The following SLC8A1 variants were observed in gnomAD, a reference collection of about 807,000 sequenced individuals.
SLC8A1 encodes the protein solute carrier family 8 member A1.
A neutral mutation model predicts 68.3 loss-of-function variants in SLC8A1; 18 were observed. That is an observed-to-expected ratio of 0.26 (90% confidence interval 0.18 to 0.39). The LOEUF is 0.39. SLC8A1 is among the 10% of genes least tolerant of loss of function. The pLI, the probability that SLC8A1 is intolerant of heterozygous loss-of-function variation, is 1.00. For missense variants in SLC8A1, 985 were observed against 1,156.7 expected, an observed-to-expected ratio of 0.85 and a Z score of 2.15; for synonymous variants, 475 against 415.5, an observed-to-expected ratio of 1.14 and a Z score of -1.74.
intron 2 of SLC8A1, among the ~76,000 whole-genome samples, chr2:40,327,510 C>G (rs763301256): frequency 2.6e-5 from 4 of 152,130 alleles, no homozygotes; most frequent in Non-Finnish European, 4.4e-5. Context: ...CTGCAAATCA[C>G]TTTGCTAGAC....
chr2:40,169,522 A>G (rs754044283), intron 4 of SLC8A1, among the ~76,000 whole-genome samples: 22 of 152,116 alleles, frequency 1.4e-4, no homozygotes, highest in Non-Finnish European at 2.5e-4. Flanking sequence ...CACCCTGTCA[A>G]TGTCATTTAT....
chr2:40,122,114 A>C (rs544928710), intron 7 of SLC8A1, among the ~76,000 whole-genome samples: 1 of 152,010 alleles, frequency 6.6e-6, no homozygotes, highest in Non-Finnish European at 1.5e-5. Flanking sequence ...GTCACTGAAG[A>C]CCTTAAACAA....
upstream of SLC8A1, among the ~76,000 whole-genome samples, chr2:40,455,162 T>C (rs1014736590): frequency 2.0e-5 from 3 of 152,208 alleles, no homozygotes; most frequent in African/African-American, 4.8e-5. Context: ...CTAGGAAACC[T>C]TCAGGGGATC....
chr2:40,455,616 A>G (rs1457384214), upstream of SLC8A1, among the ~76,000 whole-genome samples: 1 of 152,142 alleles, frequency 6.6e-6, no homozygotes, highest in Non-Finnish European at 1.5e-5. Context: ...TTCCATACCT[A>G]AGAATCTCAG....
At chr2:40,223,925 C>A (rs1292735937) in intron 2 of SLC8A1, among the ~76,000 whole-genome samples, 1 of 151,994 alleles carries the variant, frequency 6.6e-6, no homozygotes, top group African/African-American at 2.4e-5. Context: ...AGGTTTGCCC[C>A]ATTTCTGTAA....
At chr2:40,506,104 CTT>C (rs34231209) in intron 1 of SLC8A1, among the ~76,000 whole-genome samples, 4,416 of 132,128 alleles carry the variant, frequency 0.033, 161 homozygotes, top group African/African-American at 0.095. Context: ...TTCATAGATC[CTT>C]TTTTTTTTTT....
At chr2:40,251,858 T>C (rs553599113) in intron 2 of SLC8A1, 1 of 152,324 alleles carries the variant, frequency 6.6e-6, no homozygotes, top group African/African-American at 2.4e-5. Context: ...TTATTTCTCC[T>C]TCAATATTTT....
intron 2 of SLC8A1, among the ~76,000 whole-genome samples, chr2:40,183,624 A>G (rs1385990418): frequency 2.6e-5 from 4 of 152,204 alleles, no homozygotes; most frequent in African/African-American, 9.6e-5. Flanking sequence ...CATTTTAACA[A>G]GATCCCCAGA....
At chr2:40,421,250 C>T (rs889149883) in intron 2 of SLC8A1, among the ~76,000 whole-genome samples, 6 of 152,156 alleles carry the variant, frequency 3.9e-5, no homozygotes, top group African/African-American at 1.4e-4. Context: ...CCATCACCAA[C>T]AGCACCATGA....
chr2:40,511,142 A>T (rs1706699299), intron 1 of SLC8A1, among the ~76,000 whole-genome samples: 1 of 152,068 alleles, frequency 6.6e-6, no homozygotes, highest in African/African-American at 2.4e-5. Context: ...ATATTTCTCC[A>T]TTTCTCTTTT....
At chr2:40,194,612 G>A (rs2052598214) in intron 2 of SLC8A1, among the ~76,000 whole-genome samples, 1 of 151,942 alleles carries the variant, frequency 6.6e-6, no homozygotes, top group Non-Finnish European at 1.5e-5. Flanking sequence ...TAATATTGGA[G>A]GCAAATGAGG....
chr2:40,361,887 C>CT (rs1172909749), intron 2 of SLC8A1, among the ~76,000 whole-genome samples: 6,218 of 53,170 alleles, frequency 0.12, 2,007 homozygotes, highest in Non-Finnish European at 0.15. Flanking sequence ...CTTTTCTTTC[C>CT]TTTTTTTTTT....
chr2:40,325,492 A>C (rs1236440241), intron 2 of SLC8A1, among the ~76,000 whole-genome samples: 1 of 152,162 alleles, frequency 6.6e-6, no homozygotes, highest in Non-Finnish European at 1.5e-5. Flanking sequence ...GAGCAACCTA[A>C]GCATATAAGA....
intron 2 of SLC8A1, among the ~76,000 whole-genome samples, chr2:40,330,917 A>T (rs1027471354): frequency 2.0e-5 from 3 of 152,222 alleles, no homozygotes; most frequent in African/African-American, 7.2e-5. Context: ...AATACAATCG[A>T]GTTACCTGCA....
intron 2 of SLC8A1, among the ~76,000 whole-genome samples, chr2:40,378,978 G>T (rs965178089): frequency 6.6e-6 from 1 of 152,034 alleles, no homozygotes; most frequent in African/African-American, 2.4e-5. Flanking sequence ...CTATTTATTT[G>T]TTCACTGTTT....
chr2:40,225,345 G>T (rs983447263), intron 2 of SLC8A1, among the ~76,000 whole-genome samples: 1 of 152,112 alleles, frequency 6.6e-6, no homozygotes, highest in East Asian at 1.9e-4. Context: ...CAATAAGGAA[G>T]TATACATAAG....
At chr2:40,208,462 G>C (rs2055921075) in intron 2 of SLC8A1, 1 of 152,158 alleles carries the variant, frequency 6.6e-6, no homozygotes. Flanking sequence ...GTATCACTGG[G>C]CAGGAAGGGG....
chr2:40,113,322 A>G (rs752595379), exon 8 of SLC8A1: 1 of 152,826 alleles, frequency 6.5e-6, no homozygotes, highest in African/African-American at 2.4e-5. Flanking sequence ...TTATAGACAC[A>G]GAAGTCTCCG....
chr2:40,187,544 G>A (rs1208611628), intron 2 of SLC8A1, among the ~76,000 whole-genome samples: 1 of 152,158 alleles, frequency 6.6e-6, no homozygotes, highest in Non-Finnish European at 1.5e-5. Flanking sequence ...ACATAACCTT[G>A]CCCTATTTTA....
Sources: allele counts gnomAD v4.1 joint callset (sites outside exome capture counted in the v4.1 genomes callset), GRCh38; gene constraint gnomAD v4.1.1; transcripts MANE v1.5; gene names NCBI Gene and HGNC (gene_info 2026-07-23, HGNC 2026-07-21).